STPG2: variants seen among roughly 807,000 people sequenced by gnomAD.
STPG2 encodes sperm tail PG-rich repeat containing 2, also known as sperm-tail PG-rich repeat-containing protein 2.
STPG2 carries 56 observed loss-of-function variants against 54.2 expected under a neutral mutation model. The observed-to-expected ratio is 1.03, with a 90% CI of 0.83 to 1.29. STPG2 has a LOEUF of 1.29. STPG2 is among the 50% of genes most tolerant of loss of function. The pLI, the probability that STPG2 is intolerant of heterozygous loss-of-function variation, is 0.00. For missense variants in STPG2, 596 were observed against 544.9 expected (o/e 1.09, Z -0.93); for synonymous variants, 200 against 181.8 (o/e 1.10, Z -0.81).
intron 4 of STPG2, among the ~76,000 whole-genome samples, chr4:97,462,645 T>C (rs1348731002): frequency 6.6e-6 from 1 of 152,094 alleles, no homozygotes; most frequent in Admixed American, 6.5e-5. Context: ...TTTGGTATTT[T>C]TTTTTATATC....
At chr4:97,875,831 T>G (rs34847043) in intron 8 of STPG2, among the ~76,000 whole-genome samples, 2,179 of 152,154 alleles carry the variant, frequency 0.014, 22 homozygotes, top group Non-Finnish European at 0.022. Flanking sequence ...AGATCAAGAT[T>G]GATTTGTCTT....
intron 8 of STPG2, among the ~76,000 whole-genome samples, chr4:97,891,716 A>G (rs1730776339): frequency 6.6e-6 from 1 of 152,134 alleles, no homozygotes; most frequent in South Asian, 2.1e-4. Flanking sequence ...AAAACTTTGC[A>G]TGCACTGCAT....
intron 8 of STPG2, among the ~76,000 whole-genome samples, chr4:97,849,054 G>T (rs1368715494): frequency 6.6e-6 from 1 of 151,340 alleles, no homozygotes; most frequent in East Asian, 1.9e-4. Flanking sequence ...TTGGTAGCTT[G>T]ATGGGGATGG....
chr4:97,742,747 TA>T (rs34629380), intron 9 of STPG2, among the ~76,000 whole-genome samples: 58,650 of 151,046 alleles, frequency 0.39, 11,512 homozygotes, highest in Middle Eastern at 0.46. Context: ...AAACAGTTGG[TA>T]ACCTGAGATA....
At chr4:98,123,471 G>A (rs906353545) in intron 3 of STPG2, among the ~76,000 whole-genome samples, 3 of 152,132 alleles carry the variant, frequency 2.0e-5, no homozygotes, top group Admixed American at 6.5e-5. Flanking sequence ...GAAGCAGGTT[G>A]TTCAATTTCC....
At position 97,842,854 on chromosome 4, in the gene STPG2, T is replaced by G. The variant is rs1425595726; in HGVS notation, c.1045-1922A>C. 4.6e-5 allele frequency among the ~76,000 whole-genome samples: 7 copies of G among 151,902 alleles called. No individual in the cohort carries two copies. In the East Asian group the frequency reaches 9.6e-4, roughly 21 times the overall value. ...TTATTCTTCTCTGAAACTTATTCCCTTCTTGTCTACTTTACTGATGTTCCC... is the reference window on the plus strand; with the variant it reads ...TTATTCTTCTCTGAAACTTATTCCCGTCTTGTCTACTTTACTGATGTTCCC... On this transcript the variant is annotated intron_variant, in intron 8 of 10. Coordinates refer to ENST00000295268, the MANE Select transcript of STPG2 (RefSeq NM_174952.3).
chr4:98,046,129 T>A (rs1737121214), intron 5 of STPG2, among the ~76,000 whole-genome samples: 1 of 150,726 alleles, frequency 6.6e-6, no homozygotes, highest in South Asian at 2.1e-4. Flanking sequence ...TCTTCTGTTC[T>A]CTCTAGTCTG....
intron 5 of STPG2, among the ~76,000 whole-genome samples, chr4:98,091,777 T>C (rs1428334139): frequency 1.3e-5 from 2 of 152,056 alleles, no homozygotes; most frequent in Non-Finnish European, 2.9e-5. Flanking sequence ...TATATACATA[T>C]ATATTCAGAT....
At chr4:98,049,245 T>A (rs1737237018) in intron 5 of STPG2, among the ~76,000 whole-genome samples, 1 of 152,182 alleles carries the variant, frequency 6.6e-6, no homozygotes, top group South Asian at 2.1e-4. Flanking sequence ...CGACTTGAAG[T>A]TTTAGAATAA....
intron 3 of STPG2, among the ~76,000 whole-genome samples, chr4:98,113,914 G>A (rs1168947150): frequency 6.6e-6 from 1 of 152,000 alleles, no homozygotes; most frequent in East Asian, 1.9e-4. Context: ...GTGGGTGTAG[G>A]GGGGCAGAGA....
rs1224989676 is a variant in STPG2 at position 98,066,044 on chromosome 4, GTATAT to G, written c.612+39904_612+39908del. ...CCTATCAAGTAGGTATATCAAATAT[GTATAT>G]TATATATACCTATCAAGGCTGAGAG... On this transcript the variant is annotated intron_variant, in intron 5 of 10. Transcript: ENST00000295268. 4.6e-5 allele frequency among the ~76,000 whole-genome samples: 7 copies of G among 151,796 alleles called. No homozygotes were observed. In the East Asian group the frequency reaches 1.4e-3, roughly 29 times the overall value.
At chr4:97,873,707 C>A (rs537642863) in intron 8 of STPG2, among the ~76,000 whole-genome samples, 1 of 151,506 alleles carries the variant, frequency 6.6e-6, no homozygotes, top group Non-Finnish European at 1.5e-5. Flanking sequence ...TTCCCAGAGA[C>A]AGAAACAGAA....
At chr4:98,137,801 T>C (rs905116402) in intron 1 of STPG2, among the ~76,000 whole-genome samples, 1 of 151,852 alleles carries the variant, frequency 6.6e-6, no homozygotes, top group Non-Finnish European at 1.5e-5. Flanking sequence ...AGTATACATA[T>C]ATATGAAATA....
intron 5 of STPG2, among the ~76,000 whole-genome samples, chr4:98,090,644 C>T (rs11097610): frequency 4.0e-5 from 6 of 151,688 alleles, no homozygotes; most frequent in East Asian, 1.9e-4. Context: ...GATTGCTTTG[C>T]GCAACATGGT....
intron 8 of STPG2, among the ~76,000 whole-genome samples, chr4:97,862,680 C>T (rs1327346895): frequency 6.6e-6 from 1 of 152,014 alleles, no homozygotes; most frequent in Non-Finnish European, 1.5e-5. Context: ...TTCCAAAATT[C>T]ACCACGGAGT....
At chr4:97,975,864 C>T (rs921360446) in intron 6 of STPG2, among the ~76,000 whole-genome samples, 9 of 152,126 alleles carry the variant, frequency 5.9e-5, no homozygotes, top group Non-Finnish European at 1.3e-4. Context: ...TTGACTATTT[C>T]ACTAAGCATT....
intron 5 of STPG2, among the ~76,000 whole-genome samples, chr4:98,048,099 T>TC (rs1737196983): frequency 6.6e-6 from 1 of 151,908 alleles, no homozygotes; most frequent in Non-Finnish European, 1.5e-5. Context: ...TATGGTTTTT[T>TC]TAAGTGTAAT....
At chr4:98,018,696 G>C (rs80242725) in intron 5 of STPG2, among the ~76,000 whole-genome samples, 1 of 149,962 alleles carries the variant, frequency 6.7e-6, no homozygotes, top group Non-Finnish European at 1.5e-5. Flanking sequence ...CCTGACTTTT[G>C]AATGACTGCC....
intron 9 of STPG2, among the ~76,000 whole-genome samples, chr4:97,815,822 C>A (rs557441103): frequency 6.6e-6 from 1 of 152,082 alleles, no homozygotes; most frequent in African/African-American, 2.4e-5. Context: ...AAGAGGTAGA[C>A]TTGTGATAGC....
Sources: allele counts gnomAD v4.1 joint callset (sites outside exome capture counted in the v4.1 genomes callset), GRCh38; gene constraint gnomAD v4.1.1; transcripts MANE v1.5; gene names NCBI Gene and HGNC (gene_info 2026-07-23, HGNC 2026-07-21).